The following TLN2 variants were observed in gnomAD, a reference collection of about 807,000 sequenced individuals.
TLN2 encodes the protein talin-2.
A neutral mutation model predicts 294.7 loss-of-function variants in TLN2; 118 were observed. The ratio of observed to expected loss-of-function variants is 0.40; its 90% CI spans 0.34 to 0.47. The LOEUF (loss-of-function observed/expected upper bound fraction) is 0.47. TLN2 is among the 20% of genes least tolerant of loss of function. The probability of loss-of-function intolerance (pLI) is 0.84; values close to 1 mark genes in which losing one functional copy is unlikely to be tolerated. For missense variants in TLN2, 3,083 were observed against 3,282.2 expected (o/e 0.94, Z 1.48); for synonymous variants, 1,431 against 1,304.5 (o/e 1.10, Z -2.09).
At chr15:62,453,618 C>G (rs2036282901) in intron 1 of TLN2, 1 of 152,102 alleles carries the variant, frequency 6.6e-6, no homozygotes, top group Non-Finnish European at 1.5e-5. Flanking sequence ...TCTAAGTTTC[C>G]CTCTTGTCCC....
intron 1 of TLN2, among the ~76,000 whole-genome samples, chr15:62,511,700 T>C (rs998286908): frequency 6.6e-6 from 1 of 152,100 alleles, no homozygotes; most frequent in African/African-American, 2.4e-5. Flanking sequence ...ATTTTGAGGA[T>C]TGACCCCAAT....
At chr15:62,781,279 G>A (rs371612306) in intron 44 of TLN2, 38 bp downstream of exon 44, 83 of 1,549,376 alleles carry the variant, frequency 5.4e-5, no homozygotes, top group Non-Finnish European at 6.8e-5. Context: ...ACTGTTGTTT[G>A]CCTTTTTATC....
intron 2 of TLN2, among the ~76,000 whole-genome samples, chr15:62,617,179 C>T (rs1417016633): frequency 6.6e-6 from 1 of 151,926 alleles, no homozygotes; most frequent in Non-Finnish European, 1.5e-5. Context: ...TTCTTTTTTG[C>T]CTGTCATCTT....
chr15:62,748,217 T>A (rs1945013570), intron 32 of TLN2, 134 bp from the exon 33 acceptor site: 2 of 662,380 alleles, frequency 3.0e-6, no homozygotes, highest in Admixed American at 2.7e-5. Context: ...GTGTAGAGCC[T>A]CTGCAGAAGA....
At chr15:62,582,221 C>CACA (rs1555435641) in intron 1 of TLN2, among the ~76,000 whole-genome samples, 1 of 142,552 alleles carries the variant, frequency 7.0e-6, no homozygotes, top group Non-Finnish European at 1.5e-5. Context: ...CACACACACA[C>CACA]ACACACACAC....
chr15:62,559,328 C>T (rs1361028381), intron 1 of TLN2, among the ~76,000 whole-genome samples: 4 of 152,146 alleles, frequency 2.6e-5, no homozygotes, highest in South Asian at 4.2e-4. Flanking sequence ...CTGAGGCCAG[C>T]GGATGTGGAC....
chr15:62,614,313 C>G (rs1356439392), intron 2 of TLN2, among the ~76,000 whole-genome samples: 1 of 152,140 alleles, frequency 6.6e-6, no homozygotes, highest in Non-Finnish European at 1.5e-5. Flanking sequence ...AACGATATGT[C>G]CAAGAGAATT....
intron 52 of TLN2, among the ~76,000 whole-genome samples, chr15:62,816,208 G>A (rs1382166342): frequency 2.6e-5 from 4 of 152,232 alleles, no homozygotes; most frequent in Admixed American, 6.5e-5. Context: ...GCTGCCCCGA[G>A]AGCTGCTTTA....
rs142410140 is a variant in TLN2, at chr15:62,638,789, G to T, written c.-36-8486G>T. 5.4e-3 allele frequency among the ~76,000 whole-genome samples: 823 copies of T among 152,138 alleles called. 10 individuals are homozygous for T. Among genetic ancestry groups the T allele is most frequent in the African/African-American group, 0.019 (795 of 41,492 alleles). On this transcript the variant is annotated intron_variant, in intron 3 of 58. Transcript: ENST00000636159. ...TTCTCTGTGTCAGGTACTTTATTGTGAGCAATACACGTGGTCCTTGCCCTT... is the reference window on the plus strand; with the variant it reads ...TTCTCTGTGTCAGGTACTTTATTGTTAGCAATACACGTGGTCCTTGCCCTT...
chr15:62,649,758 T>C (rs2052373702), intron 4 of TLN2, among the ~76,000 whole-genome samples: 1 of 152,204 alleles, frequency 6.6e-6, no homozygotes, highest in African/African-American at 2.4e-5. Context: ...GTCTGGTTTT[T>C]ATAGCAAGGG....
intron 1 of TLN2, among the ~76,000 whole-genome samples, chr15:62,585,089 G>A (rs1371700756): frequency 6.6e-6 from 1 of 152,162 alleles, no homozygotes; most frequent in African/African-American, 2.4e-5. Context: ...ATGACAAATG[G>A]GTTCTTGGCT....
At chr15:62,649,954 A>G (rs2052397316) in intron 4 of TLN2, 130 bp from the exon 5 acceptor site, 4 of 883,350 alleles carry the variant, frequency 4.5e-6, no homozygotes, top group Non-Finnish European at 7.2e-6. Flanking sequence ...TGTGTTGTCA[A>G]AACGAAACAT....
chr15:62,481,552 G>C (rs1030761284), intron 1 of TLN2, among the ~76,000 whole-genome samples: 2 of 152,008 alleles, frequency 1.3e-5, no homozygotes, highest in East Asian at 1.9e-4. Flanking sequence ...TGTAGATACA[G>C]GGTCACACCA....
chr15:62,783,650 C>G (rs2064379991), intron 44 of TLN2, 121 bp from the exon 45 acceptor site: 1 of 1,450,458 alleles, frequency 6.9e-7, no homozygotes, highest in Non-Finnish European at 9.1e-7. Context: ...TTCACCCCCT[C>G]AGGAGCTTAA....
At position 62,689,648 on chromosome 15, in the gene TLN2, G is replaced by A. The variant is rs568682934; in HGVS notation, c.1113+2852G>A. Reference sequence around the variant, plus strand: ...CATTCATGAAGGATAATTTTGCCAGGTACAGCATTTGGGATTGACAGTTCC... The same window carrying A: ...CATTCATGAAGGATAATTTTGCCAGATACAGCATTTGGGATTGACAGTTCC... On this transcript the variant is annotated intron_variant, in intron 12 of 58. Transcript: ENST00000636159. 7.6e-4 allele frequency among the ~76,000 whole-genome samples: 116 copies of A among 151,650 alleles called. 1 individual carries two copies. The highest frequency in any genetic ancestry group is 7.0e-3 in the East Asian group (36 of 5,130).
intron 1 of TLN2, among the ~76,000 whole-genome samples, chr15:62,502,107 A>G (rs1413278119): frequency 6.6e-6 from 1 of 152,176 alleles, no homozygotes; most frequent in African/African-American, 2.4e-5. Flanking sequence ...TGTGTAATGC[A>G]TGGATGATTG....
intron 1 of TLN2, among the ~76,000 whole-genome samples, chr15:62,429,139 T>A (rs1341538147): frequency 7.5e-6 from 1 of 134,128 alleles, no homozygotes; most frequent in African/African-American, 2.7e-5. Flanking sequence ...GTTGGGGGGG[T>A]AGTGGTGAGC....
Position 62,588,025 on chromosome 15 carries a change from C to T in TLN2, c.-237-1662C>T, listed in dbSNP as rs367811758. On this transcript the variant is annotated intron_variant, in intron 1 of 58. Coordinates refer to ENST00000636159, the MANE Select transcript of TLN2 (RefSeq NM_015059.3). ...CCCCCACAGTAGCTGGGACTACAGG[C>T]GCCCACCACCACCCCTGGCTAATTT... is the stretch of plus-strand genomic sequence containing the variant. 4.6e-5 allele frequency among the ~76,000 whole-genome samples: 7 copies of T among 152,090 alleles called. No homozygotes were observed. The East Asian group carries it at 7.8e-4, about 17-fold the overall frequency.
chr15:62,817,540 A>C (rs1008277356), intron 52 of TLN2, among the ~76,000 whole-genome samples: 1 of 152,230 alleles, frequency 6.6e-6, no homozygotes, highest in Non-Finnish European at 1.5e-5. Context: ...GTGCGTACGC[A>C]TAATGTCATC....
Sources: allele counts gnomAD v4.1 joint callset (sites outside exome capture counted in the v4.1 genomes callset), GRCh38; gene constraint gnomAD v4.1.1; transcripts MANE v1.5; gene names NCBI Gene and HGNC (gene_info 2026-07-23, HGNC 2026-07-21).